SHISA6: variants seen among roughly 807,000 people sequenced by gnomAD.
SHISA6 encodes the protein protein shisa-6.
SHISA6 carries 22 observed loss-of-function variants against 47.9 expected under a neutral mutation model. That is an observed-to-expected ratio of 0.46 (90% CI 0.33 to 0.66). SHISA6 has a LOEUF of 0.66. Ranked by LOEUF, SHISA6 falls within the 30% of genes least tolerant of loss-of-function variation. The probability of loss-of-function intolerance (pLI) is 0.02; values close to 1 mark genes in which losing one functional copy is unlikely to be tolerated. For missense variants in SHISA6, 680 were observed against 764.6 expected (o/e 0.89, Z 1.30); for synonymous variants, 388 against 337.8 (o/e 1.15, Z -1.63).
At chr17:11,350,157 A>AATTTATTTATTTATTT (rs542515657) in intron 2 of SHISA6, among the ~76,000 whole-genome samples, 2 of 128,384 alleles carry the variant, frequency 1.6e-5, no homozygotes, top group African/African-American at 3.0e-5. Flanking sequence ...ATGCCCGGCT[A>AATTTATTTATTTATTT]ATTTATTTAT....
intron 3 of SHISA6, among the ~76,000 whole-genome samples, chr17:11,399,793 C>A (rs1046379731): frequency 2.6e-5 from 4 of 152,064 alleles, no homozygotes; most frequent in African/African-American, 4.8e-5. Flanking sequence ...AAATGTTGAG[C>A]CATGCAGAAG....
At chr17:11,538,216 A>C (rs2071803848) in intron 3 of SHISA6, among the ~76,000 whole-genome samples, 1 of 152,060 alleles carries the variant, frequency 6.6e-6, no homozygotes, top group African/African-American at 2.4e-5. Context: ...GGCACCCACC[A>C]CCATGCCCAG....
chr17:11,424,485 G>A (rs1227628627), intron 3 of SHISA6, among the ~76,000 whole-genome samples: 3 of 151,204 alleles, frequency 2.0e-5, no homozygotes, highest in Non-Finnish European at 2.9e-5. Flanking sequence ...ATCTCAAAAC[G>A]TAACACCGAG....
intron 3 of SHISA6, among the ~76,000 whole-genome samples, chr17:11,412,548 T>C (rs1325266853): frequency 1.4e-5 from 2 of 145,714 alleles, no homozygotes; most frequent in African/African-American, 2.5e-5. Flanking sequence ...ACTTCTTCTT[T>C]TTTTTTTTTC....
At chr17:11,242,247 C>T (rs1907397523) in intron 1 of SHISA6, among the ~76,000 whole-genome samples, 187 bp downstream of exon 1, 1 of 152,164 alleles carries the variant, frequency 6.6e-6, no homozygotes, top group Non-Finnish European at 1.5e-5. Flanking sequence ...TCTTCAGAAC[C>T]GGGAATGCAT....
intron 1 of SHISA6, among the ~76,000 whole-genome samples, chr17:11,260,620 C>G (rs978539072): frequency 3.3e-5 from 5 of 152,068 alleles, no homozygotes; most frequent in African/African-American, 1.2e-4. Flanking sequence ...ACCTGCTTGC[C>G]TGTCCCTCAG....
chr17:11,409,703 CAA>C (rs35351476), intron 3 of SHISA6, among the ~76,000 whole-genome samples: 4,325 of 82,044 alleles, frequency 0.053, 142 homozygotes, highest in African/African-American at 0.14. Context: ...GACTCCATCT[CAA>C]AAAAAAAAAA....
At chr17:11,309,374 T>A (rs1910241670) in intron 2 of SHISA6, among the ~76,000 whole-genome samples, 1 of 152,212 alleles carries the variant, frequency 6.6e-6, no homozygotes, top group Admixed American at 6.5e-5. Flanking sequence ...CTGTAATAAT[T>A]TCAGTCGATG....
chr17:11,443,376 A>G (rs1164357746), intron 3 of SHISA6, among the ~76,000 whole-genome samples: 1 of 152,214 alleles, frequency 6.6e-6, no homozygotes, highest in Non-Finnish European at 1.5e-5. Context: ...CCATCTGAAC[A>G]CATAATTGCA....
intron 1 of SHISA6, 120 bp downstream of exon 1, chr17:11,242,180 A>G (rs1323044221): frequency 7.5e-7 from 1 of 1,328,128 alleles, no homozygotes; most frequent in Non-Finnish European, 1.0e-6. Context: ...AGTCATTTCC[A>G]CCATCGCTCC....
intron 2 of SHISA6, among the ~76,000 whole-genome samples, chr17:11,278,005 A>G (rs150221596): frequency 7.9e-4 from 121 of 152,290 alleles, no homozygotes; most frequent in African/African-American, 2.7e-3. Flanking sequence ...AAGAATGGCT[A>G]TTGGGGGCTA....
chr17:11,526,499 G>A (rs1000717914), intron 3 of SHISA6, among the ~76,000 whole-genome samples: 1 of 152,146 alleles, frequency 6.6e-6, no homozygotes, highest in Non-Finnish European at 1.5e-5. Flanking sequence ...CTATGTAGCA[G>A]AGACAAAATC....
chr17:11,526,937 T>TATA (rs2071692169), intron 3 of SHISA6, among the ~76,000 whole-genome samples: 1 of 130,324 alleles, frequency 7.7e-6, no homozygotes, highest in Admixed American at 7.6e-5. Context: ...ATATATATAT[T>TATA]ATAATGATCA....
rs1213287699 is a variant in SHISA6 at position 11,373,356 on chromosome 17, G to GTCTATCCA, written c.800-6047_800-6040dup. On this transcript the variant is annotated intron_variant, in intron 2 of 5. Transcript: ENST00000441885. Reference sequence around the variant, plus strand: ...AAGCCGCCAATCAGTCTATCCATCTGTCTATCCATCTATCCATCCATCATT... The same window carrying GTCTATCCA: ...AAGCCGCCAATCAGTCTATCCATCTGTCTATCCATCTATCCATCTATCCATCCATCATT... 2.2e-4 allele frequency among the ~76,000 whole-genome samples: 33 copies of GTCTATCCA among 151,820 alleles called. No homozygotes were observed. In the East Asian group the frequency reaches 5.5e-3, roughly 25 times the overall value.
chr17:11,263,596 G>A (rs1308652122), intron 2 of SHISA6, 70 bp downstream of exon 2: 4 of 1,523,516 alleles, frequency 2.6e-6, no homozygotes, highest in Non-Finnish European at 3.6e-6. Context: ...TTCTGCTCTG[G>A]TGGGGCAGGT....
intron 3 of SHISA6, among the ~76,000 whole-genome samples, chr17:11,508,232 G>A (rs927242550): frequency 3.9e-5 from 6 of 152,206 alleles, no homozygotes; most frequent in Non-Finnish European, 5.9e-5. Context: ...ACCACAGTCT[G>A]GGTAACTGAC....
intron 3 of SHISA6, among the ~76,000 whole-genome samples, chr17:11,405,792 CA>C (rs1206328396): frequency 4.1e-4 from 54 of 130,914 alleles, no homozygotes; most frequent in Non-Finnish European, 4.8e-4. Flanking sequence ...AGCTCTGTCT[CA>C]AAAAAAAAAA....
chr17:11,287,674 A>AAG (rs150562214), intron 2 of SHISA6, among the ~76,000 whole-genome samples: 458 of 6,068 alleles, frequency 0.075, 6 homozygotes, highest in African/African-American at 0.13. Context: ...CCTTGTCAGA[A>AAG]AGAGAGAGAG....
chr17:11,417,742 C>T (rs969345176), intron 3 of SHISA6, among the ~76,000 whole-genome samples: 1 of 152,214 alleles, frequency 6.6e-6, no homozygotes, highest in Non-Finnish European at 1.5e-5. Flanking sequence ...GGAATTGGAG[C>T]TAGCATTGGA....
Sources: gnomAD v4.1 joint callset for allele counts (sites outside exome capture counted in the v4.1 genomes callset) on GRCh38, gnomAD v4.1.1 for gene constraint, MANE v1.5 for transcripts, NCBI Gene and HGNC (gene_info 2026-07-23, HGNC 2026-07-21) for gene names.